Variants in LRRC4C observed in about 807,000 individuals in gnomAD.
The protein encoded by LRRC4C is leucine-rich repeat-containing protein 4C.
A neutral mutation model predicts 33.6 loss-of-function variants in LRRC4C; 5 were observed. The observed-to-expected ratio is 0.15, with a 90% confidence interval of 0.08 to 0.31. The LOEUF (loss-of-function observed/expected upper bound fraction) is 0.31. LRRC4C is among the 10% of genes least tolerant of loss of function. LRRC4C has a pLI of 1.00. For synonymous variants in LRRC4C, 329 were observed against 302.0 expected (o/e 1.09, Z -0.93); for missense variants, 560 against 796.7 (o/e 0.70, Z 3.58).
At chr11:41,359,127 C>A (rs548342939) in intron 1 of LRRC4C, among the ~76,000 whole-genome samples, 1 of 149,832 alleles carries the variant, frequency 6.7e-6, no homozygotes, top group African/African-American at 2.5e-5. Flanking sequence ...ACATGACATT[C>A]TGAAAAAGAA....
chr11:40,639,797 A>G (rs945040418), intron 3 of LRRC4C, among the ~76,000 whole-genome samples: 3 of 152,248 alleles, frequency 2.0e-5, no homozygotes, highest in Admixed American at 2.0e-4. Context: ...GAAATCAAGC[A>G]TAATGAATTC....
chr11:41,357,372 CAG>C lies in LRRC4C; in HGVS notation c.-496+102057_-496+102058del, dbSNP rs375933587. The stretch of plus-strand genomic sequence containing the variant: ...AATCTAATTTCATGACAATGTGAAA[CAG>C]GGCACTGTGAACAGCCTATTCTAAC... On this transcript the variant is annotated intron_variant, in intron 1 of 6. Transcript: ENST00000528697. Among the ~76,000 whole-genome samples, 23 of 152,186 alleles carry C rather than the reference CAG, an allele frequency of 1.5e-4. No homozygotes were observed. In the East Asian group the frequency reaches 3.1e-3, roughly 20 times the overall value.
At position 40,580,086 on chromosome 11, in the gene LRRC4C, T is replaced by TGTGTGTGTGCGC. The variant is rs369797293; in HGVS notation, c.-270+68055_-270+68056insGCGCACACACAC. Among the ~76,000 whole-genome samples, 1,235 of 151,844 alleles carry TGTGTGTGTGCGC rather than the reference T, an allele frequency of 8.1e-3. 15 individuals are homozygous for TGTGTGTGTGCGC. Among genetic ancestry groups the TGTGTGTGTGCGC allele is most frequent in the African/African-American group, 0.028 (1,173 of 41,288 alleles). On this transcript the variant is annotated intron_variant, in intron 3 of 6. Transcript: ENST00000528697. Reference sequence around the variant, plus strand: ...GTGTGTGTGTGTGTGTGTGTGTGTGTGCCTTTCAAGATGAAAGGGAGTGAG... The same window carrying TGTGTGTGTGCGC: ...GTGTGTGTGTGTGTGTGTGTGTGTGTGTGTGTGTGCGCGCCTTTCAAGATGAAAGGGAGTGAG...
At chr11:40,949,152 T>A (rs1461051883) in intron 1 of LRRC4C, among the ~76,000 whole-genome samples, 1 of 152,192 alleles carries the variant, frequency 6.6e-6, no homozygotes, top group East Asian at 1.9e-4. Context: ...GTTTTTTGGC[T>A]GCATAAATGT....
At chr11:41,030,517 A>G (rs1856657705) in intron 1 of LRRC4C, among the ~76,000 whole-genome samples, 1 of 151,772 alleles carries the variant, frequency 6.6e-6, no homozygotes, top group South Asian at 2.1e-4. Flanking sequence ...GACCTTGTGT[A>G]AACCTCCCAA....
intron 3 of LRRC4C, among the ~76,000 whole-genome samples, chr11:40,584,931 C>T (rs1457422257): frequency 7.7e-6 from 1 of 129,448 alleles, no homozygotes; most frequent in Admixed American, 8.1e-5. Context: ...GACTCCACTT[C>T]AAAAACCAAT....
intron 3 of LRRC4C, among the ~76,000 whole-genome samples, chr11:40,430,540 T>C (rs1950879739): frequency 6.6e-6 from 1 of 152,158 alleles, no homozygotes; most frequent in African/African-American, 2.4e-5. Flanking sequence ...TTCTCTTACA[T>C]AGATACAATT....
At chr11:41,068,375 A>G (rs1004817139) in intron 1 of LRRC4C, among the ~76,000 whole-genome samples, 16 of 152,156 alleles carry the variant, frequency 1.1e-4, no homozygotes, top group African/African-American at 3.6e-4. Context: ...TGGGCAACAG[A>G]GTGGGACTCC....
At chr11:41,114,274 T>A (rs1182018180) in intron 1 of LRRC4C, among the ~76,000 whole-genome samples, 1 of 152,082 alleles carries the variant, frequency 6.6e-6, no homozygotes, top group Non-Finnish European at 1.5e-5. Context: ...ATTTATTTAC[T>A]ACAACAACAA....
At chr11:41,033,130 G>C (rs946022230) in intron 1 of LRRC4C, among the ~76,000 whole-genome samples, 2 of 151,908 alleles carry the variant, frequency 1.3e-5, no homozygotes, top group African/African-American at 2.4e-5. Context: ...ATCTATGAGA[G>C]TGAGATCTAA....
At chr11:41,351,717 T>C (rs1441904827) in intron 1 of LRRC4C, among the ~76,000 whole-genome samples, 1 of 152,150 alleles carries the variant, frequency 6.6e-6, no homozygotes, top group African/African-American at 2.4e-5. Context: ...GCATTAAAAA[T>C]ACATTTAAAA....
intron 2 of LRRC4C, among the ~76,000 whole-genome samples, chr11:40,831,823 G>C (rs1952426628): frequency 6.6e-6 from 1 of 152,022 alleles, no homozygotes; most frequent in African/African-American, 2.4e-5. Flanking sequence ...AACAGCATGG[G>C]AGAAACCTGC....
chr11:40,314,223 T>TA (rs983953841), intron 4 of LRRC4C, among the ~76,000 whole-genome samples: 15 of 151,912 alleles, frequency 9.9e-5, no homozygotes, highest in African/African-American at 3.6e-4. Context: ...TCTGATTTTT[T>TA]AAAAAAATGG....
intron 1 of LRRC4C, among the ~76,000 whole-genome samples, chr11:41,061,658 G>A (rs890262606): frequency 2.6e-5 from 4 of 152,132 alleles, no homozygotes; most frequent in African/African-American, 9.7e-5. Flanking sequence ...CTTGGCCCAG[G>A]TACTTGTGAG....
At chr11:40,497,176 C>A (rs1159714050) in intron 3 of LRRC4C, among the ~76,000 whole-genome samples, 1 of 152,014 alleles carries the variant, frequency 6.6e-6, no homozygotes. Context: ...GAGGCAGAGG[C>A]GGGCGGATCA....
chr11:40,231,026 A>G (rs1334693755), intron 5 of LRRC4C, among the ~76,000 whole-genome samples: 1 of 152,178 alleles, frequency 6.6e-6, no homozygotes, highest in Non-Finnish European at 1.5e-5. Context: ...ATAGAGTTCC[A>G]GTAAATATTT....
chr11:40,372,420 C>T (rs1042328527), intron 3 of LRRC4C, among the ~76,000 whole-genome samples: 1 of 152,184 alleles, frequency 6.6e-6, no homozygotes, highest in East Asian at 1.9e-4. Flanking sequence ...TACACTTCTG[C>T]TGATAGCTGG....
At chr11:41,376,053 A>G (rs190394826) in intron 1 of LRRC4C, among the ~76,000 whole-genome samples, 142 of 152,090 alleles carry the variant, frequency 9.3e-4, no homozygotes, top group African/African-American at 3.1e-3. Flanking sequence ...CTTAAACGTC[A>G]TGGAAATCTA....
At chr11:41,375,687 A>G (rs759050333) in intron 1 of LRRC4C, among the ~76,000 whole-genome samples, 4 of 152,206 alleles carry the variant, frequency 2.6e-5, no homozygotes, top group Admixed American at 6.5e-5. Context: ...TCACAATACT[A>G]TAGAACTATT....
Sources: gnomAD v4.1 joint callset for allele counts (sites outside exome capture counted in the v4.1 genomes callset) on GRCh38, gnomAD v4.1.1 for gene constraint, MANE v1.5 for transcripts, NCBI Gene and HGNC (gene_info 2026-07-23, HGNC 2026-07-21) for gene names.